The following RADIL variants were observed in gnomAD, a reference collection of about 807,000 sequenced individuals.
RADIL encodes ras-associating and dilute domain-containing protein.
RADIL carries 99 observed loss-of-function variants against 97.6 expected under a neutral mutation model. The observed-to-expected ratio is 1.01, with a 90% CI of 0.86 to 1.20. The LOEUF is 1.20. RADIL is among the 50% of genes most tolerant of loss of function. The probability of loss-of-function intolerance (pLI) is 0.00; values close to 1 mark genes in which losing one functional copy is unlikely to be tolerated. For missense variants in RADIL, 1,765 were observed against 1,498.9 expected (o/e 1.18, Z -2.93); for synonymous variants, 803 against 691.8 (o/e 1.16, Z -2.52).
Position 4,817,437 on chromosome 7 carries a change from G to A in RADIL, c.1616-86C>T, listed in dbSNP as rs1782706020. 1.6e-6 allele frequency: 2 copies of A among 1,234,600 alleles called. No homozygotes were observed. The highest frequency in any genetic ancestry group is 2.3e-6 in the Non-Finnish European group (2 of 884,910). The allele number at this position is 1,234,600 out of a possible 1,614,324, so 76.5% of individuals were successfully genotyped here. A position where few individuals can be genotyped will look rare whatever the true frequency, so the allele number is the denominator to read the frequency against. On this transcript the variant is annotated intron_variant, in intron 6 of 14. Coordinates refer to ENST00000399583, the MANE Select transcript of RADIL (RefSeq NM_018059.5). The surrounding 1 kb of genome is among the most constrained non-coding windows in gnomAD (Gnocchi z 8.3). ...TCAGCCAGCCGCCAGCTCTTTCCCT[G>A]GCGCGGGCACCACCCAACGCGCCCA...
rs1363754288 is a variant in RADIL at position 4,822,581 on chromosome 7, A to G, written c.1455-27T>C. 23 of 1,607,118 alleles carry G rather than the reference A, an allele frequency of 1.4e-5. No individual in the cohort carries two copies. Among genetic ancestry groups the G allele is most frequent in the Non-Finnish European group, 1.9e-5 (22 of 1,177,476 alleles). ...TACCAAGACAGAAAGACTAAGAGTT[A>G]CGCGGGGACCCGACCCTCAGGAGGC... On this transcript the variant is annotated intron_variant, in intron 5 of 14. Transcript: ENST00000399583. This position sits in a 1 kb window ranked among gnomAD's most constrained non-coding sequence, Gnocchi z 5.3.
rs181339611 is a variant in RADIL at position 4,859,004 on chromosome 7, C to A, written c.535+18601G>T. ...TGCTAATTACTCTAAAACAGTTCTA[C>A]AGATTAAAACCAGTGTGTCCTTTCT... On this transcript the variant is annotated intron_variant, in intron 2 of 14. Coordinates refer to ENST00000399583, the MANE Select transcript of RADIL (RefSeq NM_018059.5). The A allele has an allele frequency of 6.6e-5, 10 of 152,272 alleles. No individual in the cohort carries two copies. The East Asian group carries it at 1.7e-3, about 26-fold the overall frequency. The allele number at this position is 152,272 out of a possible 1,614,324, so 9.4% of individuals were successfully genotyped here. A position where few individuals can be genotyped will look rare whatever the true frequency, so the allele number is the denominator to read the frequency against.
At chr7:4,802,900 C>T (rs1259547190) in intron 11 of RADIL, among the ~76,000 whole-genome samples, 3 of 123,666 alleles carry the variant, frequency 2.4e-5, no homozygotes, top group African/African-American at 3.5e-5. Context: ...GCCCCCTCCC[C>T]GGGCACCTCG....
Position 4,797,506 on chromosome 7 carries a change from C to G in RADIL, c.*1872G>C, listed in dbSNP as rs966556999. 6.6e-6 allele frequency: 1 copy of G among 152,210 alleles called. No individual in the cohort carries two copies. Among genetic ancestry groups the G allele is most frequent in the African/African-American group, 2.4e-5 (1 of 41,436 alleles). The allele number at this position is 152,210 out of a possible 1,614,324, so 9.4% of individuals were successfully genotyped here. A position where few individuals can be genotyped will look rare whatever the true frequency, so the allele number is the denominator to read the frequency against. On this transcript the variant is annotated 3_prime_UTR_variant, in exon 15 of 15. Transcript: ENST00000399583. The stretch of plus-strand genomic sequence containing the variant: ...TGGAAATGCCTTGCCACTGTCTTTC[C>G]TCTGGCCACAGTCCACACCCCTCCC...
intron 6 of RADIL, among the ~76,000 whole-genome samples, chr7:4,820,198 G>A (rs1396132529): frequency 3.9e-5 from 6 of 152,346 alleles, no homozygotes; most frequent in South Asian, 4.1e-4. Context: ...TTGGCCGGCC[G>A]CAACTCCGGA....
Position 4,862,047 on chromosome 7 carries a change from C to T in RADIL, c.535+15558G>A, listed in dbSNP as rs1583317528. The T allele has an allele frequency of 1.5e-5, 6 of 390,936 alleles. No individual in the cohort carries two copies. The South Asian group carries it at 7.0e-4, about 46-fold the overall frequency. 24.2% of individuals were successfully genotyped at this position (390,936 alleles called of 1,614,324 possible). ...CCAGAACCTACCGTACACGCGCGGG[C>T]GCCTGCGCACCCGCCGCCAGCGCGA... On this transcript the variant is annotated intron_variant, in intron 2 of 14. Transcript: ENST00000399583.
rs559903830 is a variant in RADIL at position 4,869,198 on chromosome 7, T to C, written c.535+8407A>G. ...CCCAGGCTGGAGTGCAGTGGCATGATCACAGCTCACTGCAGCCTTGACCTT... is the reference window on the plus strand; with the variant it reads ...CCCAGGCTGGAGTGCAGTGGCATGACCACAGCTCACTGCAGCCTTGACCTT... On this transcript the variant is annotated intron_variant, in intron 2 of 14. Transcript: ENST00000399583. Among the ~76,000 whole-genome samples, 5 of 152,292 alleles carry C rather than the reference T, an allele frequency of 3.3e-5. No homozygotes were observed. In the South Asian group the frequency reaches 1.0e-3, roughly 32 times the overall value.
At chr7:4,809,153 C>T (rs866482855) in intron 9 of RADIL, 19 of 985,188 alleles carry the variant, frequency 1.9e-5, no homozygotes, top group African/African-American at 1.0e-4. Flanking sequence ...GTGGCCCGGC[C>T]GCTTCTGGAA....
At position 4,822,675 on chromosome 7, in the gene RADIL, A is replaced by G. The variant is rs1782867027; in HGVS notation, c.1455-121T>C. 7 of 1,142,334 alleles carry G rather than the reference A, an allele frequency of 6.1e-6. No homozygotes were observed. In the South Asian group the frequency reaches 1.1e-4, roughly 17 times the overall value. 70.8% of individuals were successfully genotyped at this position (1,142,334 alleles called of 1,614,324 possible). ...GACGCTGACAACAACTGCAACCATC[A>G]ACCTGACACTGCTGGGCGGGGACGT... On this transcript the variant is annotated intron_variant, in intron 5 of 14. Transcript: ENST00000399583. This position sits in a 1 kb window ranked among gnomAD's most constrained non-coding sequence, Gnocchi z 5.3.
chr7:4,803,359 C>T (rs528838124), intron 11 of RADIL, among the ~76,000 whole-genome samples, 187 bp downstream of exon 11: 2 of 118,362 alleles, frequency 1.7e-5, no homozygotes, highest in East Asian at 5.1e-4. Context: ...CCGGGCACCT[C>T]GGGGCACGCT....
intron 2 of RADIL, chr7:4,859,754 T>C: frequency 3.2e-6 from 2 of 618,484 alleles, no homozygotes; most frequent in Non-Finnish European, 5.7e-6. Flanking sequence ...TATACTGATG[T>C]TCCCTGAGAG....
At chr7:4,847,702 G>A (rs1001098522) in intron 2 of RADIL, among the ~76,000 whole-genome samples, 1 of 110,632 alleles carries the variant, frequency 9.0e-6, no homozygotes, top group African/African-American at 3.5e-5. Flanking sequence ...CAACATGGAT[G>A]AGCCTCAAAA....
chr7:4,865,377 T>C, intron 2 of RADIL: 1 of 607,688 alleles, frequency 1.6e-6, no homozygotes, highest in South Asian at 2.0e-5. Flanking sequence ...TTTTTGTTGT[T>C]GTTCCCAAGT....
chr7:4,863,837 C>T (rs1414475953), intron 2 of RADIL, among the ~76,000 whole-genome samples: 1 of 152,226 alleles, frequency 6.6e-6, no homozygotes, highest in Non-Finnish European at 1.5e-5. Flanking sequence ...TCTGTCTCTT[C>T]TTGGACAGCT....
At chr7:4,875,761 G>T (rs1244727323) in intron 2 of RADIL, among the ~76,000 whole-genome samples, 2 of 152,152 alleles carry the variant, frequency 1.3e-5, no homozygotes, top group Non-Finnish European at 2.9e-5. Flanking sequence ...TCCCTTTCGG[G>T]TTTCCTGGCC....
At position 4,872,299 on chromosome 7, in the gene RADIL, C is replaced by T. The variant is rs1784274625; in HGVS notation, c.535+5306G>A. 6.6e-6 allele frequency among the ~76,000 whole-genome samples: 1 copy of T among 152,244 alleles called. No homozygotes were observed. Among genetic ancestry groups the T allele is most frequent in the African/African-American group, 2.4e-5 (1 of 41,470 alleles). On this transcript the variant is annotated intron_variant, in intron 2 of 14. Coordinates refer to ENST00000399583, the MANE Select transcript of RADIL (RefSeq NM_018059.5). The surrounding 1 kb of genome is among the most constrained non-coding windows in gnomAD (Gnocchi z 5.8). ...GGGCACAGGAGCCAGGGACACTGCT[C>T]ATCGCCCTGCAACCACGGACGCCTC...
At position 4,878,071 on chromosome 7, in the gene RADIL, C is replaced by A; in HGVS notation, c.69G>T (p.Leu23=). ...TKSKLKRQSQ[L]LSSMLSRTLS... Reference sequence around the variant, plus strand: ...GCGTCCGGGACAGCATGCTGGACAACAGCTGGCTCTGCCGCTTCAGTTTGC... The same window carrying A: ...GCGTCCGGGACAGCATGCTGGACAAAAGCTGGCTCTGCCGCTTCAGTTTGC... Residue 23 remains leucine (L), a synonymous_variant, in exon 2 of 15, where the codon CTG becomes CTT. Transcript: ENST00000399583. The surrounding 1 kb of genome is among the most constrained non-coding windows in gnomAD (Gnocchi z 4.1). 2 of 1,599,188 alleles carry A rather than the reference C, an allele frequency of 1.3e-6. No individual in the cohort carries two copies. Among genetic ancestry groups the A allele is most frequent in the Middle Eastern group, 1.7e-4 (1 of 6,036 alleles).
At chr7:4,838,101 C>T in intron 2 of RADIL, 1 of 970,828 alleles carries the variant, frequency 1.0e-6, no homozygotes, top group Non-Finnish European at 1.2e-6. Flanking sequence ...CGCCCAGCCG[C>T]AGTGCGAGGC....
Position 4,877,610 on chromosome 7 carries a change from G to C in RADIL, c.530C>G (p.Thr177Arg), listed in dbSNP as rs774168165. ...ELAAKEVDTITAGINAQARRL... is the reference protein window; with the variant it reads ...ELAAKEVDTIRAGINAQARRL... ...GAACCTGTGGCCCCCCTCACCTGCC[G>C]TGATGGTGTCCACCTCCTTGGCTGC... The change falls in exon 2 of 15, where the codon ACG becomes AGG. Residue 177 changes from threonine to arginine, a missense_variant. By Grantham distance (71) the Thr-to-Arg change is moderately conservative. Transcript: ENST00000399583. The C allele has an allele frequency of 1.3e-6, 2 of 1,595,750 alleles. No individual in the cohort carries two copies. The highest frequency in any genetic ancestry group is 3.5e-5 in the Admixed American group (2 of 57,928).
Sources: allele counts gnomAD v4.1 joint callset (sites outside exome capture counted in the v4.1 genomes callset), GRCh38; gene constraint gnomAD v4.1.1; non-coding constraint Gnocchi (gnomAD v3.1); transcripts MANE v1.5; gene names NCBI Gene and HGNC (gene_info 2026-07-23, HGNC 2026-07-21).